The following CELF2 variants were observed in gnomAD, a reference collection of about 807,000 sequenced individuals.
CELF2 encodes CUGBP Elav-like family member 2.
In CELF2, 8 loss-of-function variants were observed where a neutral mutation model predicts 62.6. The ratio of observed to expected loss-of-function variants is 0.13; its 90% CI spans 0.07 to 0.23. CELF2 has a LOEUF of 0.23. CELF2 is among the 10% of genes least tolerant of loss of function. The pLI is 1.00. For synonymous variants in CELF2, 258 were observed against 250.0 expected (o/e 1.03, Z -0.30); for missense variants, 333 against 671.0 (o/e 0.50, Z 5.56).
In CELF2 at chr10:11,211,863, A is replaced by T. The variant is rs2061949739; in HGVS notation, c.272-5562A>T. ...GTGTGTGTGTGTGTGTGTAACTACC[A>T]TTGGCCTTTGGGGCTTTATCTTTGG... On this transcript the variant is annotated intron_variant, in intron 2 of 12. Transcript: ENST00000633077. The surrounding 1 kb of genome is among the most constrained non-coding windows in gnomAD (Gnocchi z 4.8). Among the ~76,000 whole-genome samples the T allele has an allele frequency of 6.8e-6, 1 of 147,472 alleles. No homozygotes were observed. Among genetic ancestry groups the T allele is most frequent in the Admixed American group, 6.8e-5 (1 of 14,638 alleles).
At chr10:10,819,072 G>T (rs893236374) in intron 1 of CELF2, among the ~76,000 whole-genome samples, 14 of 152,114 alleles carry the variant, frequency 9.2e-5, no homozygotes, top group African/African-American at 3.4e-4. Flanking sequence ...CATTTACCTG[G>T]TTATTAATTC....
chr10:10,858,137 ATAAATAGTTGC>A (rs1196754651), intron 1 of CELF2, among the ~76,000 whole-genome samples: 1 of 152,146 alleles, frequency 6.6e-6, no homozygotes, highest in Non-Finnish European at 1.5e-5. Context: ...TGAGGACAGA[ATAAATAGTTGC>A]TGAAATAATG....
At chr10:11,275,808 G>A (rs753346063) in intron 8 of CELF2, among the ~76,000 whole-genome samples, 66 of 152,260 alleles carry the variant, frequency 4.3e-4, no homozygotes, top group South Asian at 2.1e-4. Context: ...CACTCCTGCC[G>A]TGCCACCTTC....
exon 1 of CELF2, chr10:10,798,752 C>T (rs1413903416): frequency 2.5e-6 from 1 of 398,810 alleles, no homozygotes; most frequent in Non-Finnish European, 4.4e-6. Context: ...CGCCCTCAGC[C>T]GGCTCCTAGA....
intron 9 of CELF2, among the ~76,000 whole-genome samples, chr10:11,299,469 C>G (rs750513605): frequency 6.6e-6 from 1 of 152,204 alleles, no homozygotes; most frequent in South Asian, 2.1e-4. Context: ...CAACCCCCCC[C>G]AGGAAGGCCA....
chr10:10,536,150 G>A, the CELF2 span, among the ~76,000 whole-genome samples: 1 of 151,784 alleles, frequency 6.6e-6, no homozygotes, highest in African/African-American at 2.4e-5. Context: ...CTCCTGAGTA[G>A]CTGAGACTAC....
chr10:11,221,356 A>G (rs2064818600), intron 3 of CELF2, among the ~76,000 whole-genome samples: 1 of 152,222 alleles, frequency 6.6e-6, no homozygotes, highest in Non-Finnish European at 1.5e-5. Flanking sequence ...TGTCAAGGCA[A>G]CTTGCAAGAT....
At chr10:10,611,934 T>A in the CELF2 span, among the ~76,000 whole-genome samples, 1 of 152,188 alleles carries the variant, frequency 6.6e-6, no homozygotes. Flanking sequence ...TCCATACCAT[T>A]GTCTAAACAT....
the CELF2 span, among the ~76,000 whole-genome samples, chr10:10,698,241 G>T: frequency 1.3e-5 from 2 of 152,160 alleles, no homozygotes; most frequent in East Asian, 3.9e-4. Flanking sequence ...ATGGCTCCAG[G>T]AAAAGAACTG....
At chr10:11,015,364 G>A (rs910361736), upstream of CELF2, among the ~76,000 whole-genome samples, 12 of 152,136 alleles carry the variant, frequency 7.9e-5, no homozygotes, top group African/African-American at 1.7e-4. This position sits in a 1 kb window ranked among gnomAD's most constrained non-coding sequence, Gnocchi z 4.8. Context: ...AAACCGACTC[G>A]ATATTAGAAA....
chr10:10,742,258 A>T, the CELF2 span, among the ~76,000 whole-genome samples: 1 of 152,094 alleles, frequency 6.6e-6, no homozygotes, highest in African/African-American at 2.4e-5. Flanking sequence ...GTTTCCAAGA[A>T]CCTATTAACA....
the CELF2 span, among the ~76,000 whole-genome samples, chr10:10,703,227 T>TA: frequency 3.3e-5 from 5 of 152,214 alleles, no homozygotes; most frequent in Non-Finnish European, 7.4e-5. Flanking sequence ...TTTCTTTAGT[T>TA]ACAACTCTAT....
the CELF2 span, among the ~76,000 whole-genome samples, chr10:10,675,591 T>G: frequency 1.5e-3 from 221 of 152,266 alleles, 1 homozygote; most frequent in African/African-American, 4.9e-3. Context: ...CTTATTTCTT[T>G]TTACACATTT....
intron 3 of CELF2, among the ~76,000 whole-genome samples, chr10:11,225,816 C>T (rs1257367815): frequency 6.6e-6 from 1 of 152,066 alleles, no homozygotes; most frequent in East Asian, 1.9e-4. Flanking sequence ...TAAGTGACTC[C>T]TCTGTGTTTG....
intron 1 of CELF2, among the ~76,000 whole-genome samples, chr10:10,855,604 A>G (rs943894077): frequency 1.6e-4 from 24 of 152,346 alleles, no homozygotes; most frequent in African/African-American, 5.8e-4. Flanking sequence ...ATAACAAAGA[A>G]AGAGTTTCCC....
At position 11,224,648 on chromosome 10, in the gene CELF2, G is replaced by A. The variant is rs2065898957; in HGVS notation, c.354+7141G>A. ...ACACCTAGAAAATTGTCCAAATTCT[G>A]TCATTAGCGTATAGGGTTTCCATGA... On this transcript the variant is annotated intron_variant, in intron 3 of 12. Transcript: ENST00000633077. This position sits in a 1 kb window ranked among gnomAD's most constrained non-coding sequence, Gnocchi z 4.5. 6.6e-6 allele frequency among the ~76,000 whole-genome samples: 1 copy of A among 152,196 alleles called. No homozygotes were observed. The highest frequency in any genetic ancestry group is 2.4e-5 in the African/African-American group (1 of 41,448).
intron 2 of CELF2, among the ~76,000 whole-genome samples, chr10:10,977,417 T>C (rs545342766): frequency 9.8e-5 from 15 of 152,314 alleles, no homozygotes; most frequent in Middle Eastern, 6.8e-3. Flanking sequence ...ATTGTTGACA[T>C]CTGGCAGGTT....
rs116076048 is a variant in CELF2, at chr10:11,133,997, C to T, written c.75-31489C>T. On this transcript the variant is annotated intron_variant, in intron 1 of 12. Coordinates refer to ENST00000633077, the MANE Select transcript of CELF2 (RefSeq NM_001326342.2). Reference sequence around the variant, plus strand: ...CTTTCGTTTGTCACAAATAGGTTCTCTTTGTATTTGTGGCTGGAATTCCGT... The same window carrying T: ...CTTTCGTTTGTCACAAATAGGTTCTTTTTGTATTTGTGGCTGGAATTCCGT... Among the ~76,000 whole-genome samples, 305 of 152,252 alleles carry T rather than the reference C, an allele frequency of 2.0e-3. 3 individuals carry two copies. The highest frequency in any genetic ancestry group is 7.2e-3 in the African/African-American group (297 of 41,532).
At chr10:10,628,403 T>G in the CELF2 span, among the ~76,000 whole-genome samples, 1 of 152,096 alleles carries the variant, frequency 6.6e-6, no homozygotes, top group Non-Finnish European at 1.5e-5. Flanking sequence ...ATGCCAACCA[T>G]GCTACTAGAT....
Sources: gnomAD v4.1 joint callset for allele counts (sites outside exome capture counted in the v4.1 genomes callset) on GRCh38, gnomAD v4.1.1 for gene constraint, Gnocchi (gnomAD v3.1) non-coding constraint, MANE v1.5 for transcripts, NCBI Gene and HGNC (gene_info 2026-07-23, HGNC 2026-07-21) for gene names.